The following ETAA1 variants were observed in gnomAD, a reference collection of about 807,000 sequenced individuals.
ETAA1 encodes ewing's tumor-associated antigen 1.
A neutral mutation model predicts 76.8 loss-of-function variants in ETAA1; 49 were observed. That is an observed-to-expected ratio of 0.64 (90% CI 0.51 to 0.81). ETAA1 has a LOEUF of 0.81. Among genes scored for constraint, ETAA1 ranks in the 30% least tolerant of loss-of-function variants. The pLI, the probability that ETAA1 is intolerant of heterozygous loss-of-function variation, is 0.00. For synonymous variants in ETAA1, 373 were observed against 372.2 expected (o/e 1.00, Z -0.03); for missense variants, 1,099 against 1,074.0 (o/e 1.02, Z -0.32).
Position 67,405,344 on chromosome 2 carries a change from G to T in ETAA1, c.2653+9G>T. The T allele has an allele frequency of 6.7e-7, 1 of 1,493,204 alleles. No homozygotes were observed. Among genetic ancestry groups the T allele is most frequent in the South Asian group, 1.5e-5 (1 of 68,092 alleles). The allele number at this position is 1,493,204 out of a possible 1,614,324, so 92.5% of individuals were successfully genotyped here. A position where few individuals can be genotyped will look rare whatever the true frequency, so the allele number is the denominator to read the frequency against. On this transcript the variant is annotated intron_variant, in intron 5 of 5. Coordinates refer to ENST00000272342, the MANE Select transcript of ETAA1 (RefSeq NM_019002.4). Reference sequence around the variant, plus strand: ...GAAACAATCTTCAAAAGGTATGTATGAAATATGAAATAGTTTTCTTTGAAA... The same window carrying T: ...GAAACAATCTTCAAAAGGTATGTATTAAATATGAAATAGTTTTCTTTGAAA...
In ETAA1 at chr2:67,408,626, T is replaced by C. The variant is rs1676282850; in HGVS notation, c.2654-1285T>C. Among the ~76,000 whole-genome samples, 3 of 152,132 alleles carry C rather than the reference T, an allele frequency of 2.0e-5. No homozygotes were observed. In the South Asian group the frequency reaches 6.2e-4, roughly 31 times the overall value. ...TACTTTACAATATTTTAAGACTTCA[T>C]TGTGTATTTTTATTATAGATTGAGT... On this transcript the variant is annotated intron_variant, in intron 5 of 5. Transcript: ENST00000272342.
At chr2:67,406,708 A>T (rs892778235) in intron 5 of ETAA1, among the ~76,000 whole-genome samples, 1 of 152,056 alleles carries the variant, frequency 6.6e-6, no homozygotes, top group Non-Finnish European at 1.5e-5. Context: ...ATAAAAAGAT[A>T]TGTGTGTGTG....
chr2:67,398,367 G>T (rs1572905615), intron 1 of ETAA1, among the ~76,000 whole-genome samples: 1 of 129,308 alleles, frequency 7.7e-6, no homozygotes, highest in East Asian at 2.4e-4. Context: ...AAAGAATCTC[G>T]CCCTGTCGCC....
intron 5 of ETAA1, among the ~76,000 whole-genome samples, chr2:67,406,275 G>C (rs1388364767): frequency 6.6e-6 from 1 of 151,978 alleles, no homozygotes; most frequent in Non-Finnish European, 1.5e-5. Flanking sequence ...CAGGAACTTA[G>C]ACCGTGCTCT....
chr2:67,403,862 A>C lies in ETAA1; in HGVS notation c.1180A>C (p.Met394Leu), dbSNP rs746152898. ...ENLLGSEPFA[M>L]QNIDMPELFP... ...CTTACTAGGTAGTGAACCTTTTGCT[A>C]TGCAAAATATCGACATGCCTGAACT... The change falls in exon 5 of 6, where the codon ATG becomes CTG. Residue 394 changes from methionine to leucine, a missense_variant. Met to Leu is a conservative substitution (Grantham distance 15). Around this residue, in one of 3 missense-constraint regions of ETAA1, gnomAD observed 761 missense variants for 731.9 expected, o/e 1.04. Transcript: ENST00000272342. The C allele has an allele frequency of 3.1e-6, 5 of 1,613,208 alleles. No homozygotes were observed. The highest frequency in any genetic ancestry group is 2.2e-5 in the East Asian group (1 of 44,860).
At chr2:67,402,261 T>C (rs916372427) in intron 3 of ETAA1, 2 of 151,930 alleles carry the variant, frequency 1.3e-5, no homozygotes, top group East Asian at 1.9e-4. Context: ...TTTCTCTATT[T>C]TTTTATTCTT....
intron 3 of ETAA1, 82 bp downstream of exon 3, chr2:67,399,708 G>A (rs919695824): frequency 2.2e-6 from 2 of 929,202 alleles, no homozygotes; most frequent in Non-Finnish European, 3.3e-6. Context: ...TAAATGAAAA[G>A]TATTGTCTAT....
intron 1 of ETAA1, among the ~76,000 whole-genome samples, chr2:67,398,502 A>AT (rs1234118261): frequency 1.3e-5 from 2 of 151,398 alleles, no homozygotes; most frequent in Non-Finnish European, 1.5e-5. Flanking sequence ...CGCCCGGCTA[A>AT]TTTTTTGTAT....
At position 67,404,377 on chromosome 2, in the gene ETAA1, A is replaced by C; in HGVS notation, c.1695A>C (p.Pro565=). 1 of 1,613,336 alleles carries C rather than the reference A, an allele frequency of 6.2e-7. No individual in the cohort carries two copies. Among genetic ancestry groups the C allele is most frequent in the Non-Finnish European group, 8.5e-7 (1 of 1,179,472 alleles). Residue 565 remains proline (P), a synonymous_variant, in exon 5 of 6, where the codon CCA becomes CCC. Coordinates refer to ENST00000272342, the MANE Select transcript of ETAA1 (RefSeq NM_019002.4). ...GCAGTAAAACCAGTGTTAGTAACCC[A>C]AATCAGACTAGTGCATCAAAAGTAG... ...NLGSKTSVSN[P]NQTSASKVGS... is the part of the protein sequence containing the mutation.
intron 4 of ETAA1, 73 bp from the exon 5 acceptor site, chr2:67,403,152 C>A: frequency 8.5e-7 from 1 of 1,179,828 alleles, no homozygotes; most frequent in Non-Finnish European, 1.2e-6. Context: ...GCTTTAACAT[C>A]AAAATATGTT....
At chr2:67,409,012 T>C (rs1163746314) in intron 5 of ETAA1, among the ~76,000 whole-genome samples, 1 of 152,060 alleles carries the variant, frequency 6.6e-6, no homozygotes, top group Non-Finnish European at 1.5e-5. Context: ...CAAAATCATC[T>C]GGGAAACTTA....
In ETAA1 at chr2:67,397,347, C is replaced by A; in HGVS notation, c.-102C>A. 7.9e-7 allele frequency: 1 copy of A among 1,263,294 alleles called. No homozygotes were observed. The highest frequency in any genetic ancestry group is 1.1e-6 in the Non-Finnish European group (1 of 887,422). The allele number at this position is 1,263,294 out of a possible 1,614,324, so 78.3% of individuals were successfully genotyped here. On this transcript the variant is annotated 5_prime_UTR_variant, in exon 1 of 6. Coordinates refer to ENST00000272342, the MANE Select transcript of ETAA1 (RefSeq NM_019002.4). ...GCGCGCGCCCCACCGACCAAAATGG[C>A]GGCTGCCGTTGGTGCGGGGTGCGGT...
At chr2:67,405,627 T>G (rs1289365598) in intron 5 of ETAA1, among the ~76,000 whole-genome samples, 1 of 152,088 alleles carries the variant, frequency 6.6e-6, no homozygotes, top group Non-Finnish European at 1.5e-5. Flanking sequence ...ACTTATTCTT[T>G]CTTGGAAAAT....
Position 67,403,670 on chromosome 2 carries a change from C to G in ETAA1, c.988C>G (p.Leu330Val). 2 of 1,613,338 alleles carry G rather than the reference C, an allele frequency of 1.2e-6. No homozygotes were observed. Among genetic ancestry groups the G allele is most frequent in the South Asian group, 1.1e-5 (1 of 91,062 alleles). The change falls in exon 5 of 6, where the codon CTG becomes GTG. Residue 330 changes from leucine (L) to valine (V), a missense_variant. By Grantham distance (32) the Leu-to-Val change is conservative (BLOSUM62 1). Coordinates refer to ENST00000272342, the MANE Select transcript of ETAA1 (RefSeq NM_019002.4). Reference protein sequence around the residue: ...KEEKIITNETLVIEKLSNKTP... With the variant: ...KEEKIITNETVVIEKLSNKTP... ...GGAGAAAATCATTACTAATGAAACTCTGGTCATTGAAAAACTGTCAAATAA... is the reference window on the plus strand; with the variant it reads ...GGAGAAAATCATTACTAATGAAACTGTGGTCATTGAAAAACTGTCAAATAA...
rs749680104 is a variant in ETAA1 at position 67,403,580 on chromosome 2, G to A, written c.898G>A (p.Glu300Lys). The change falls in exon 5 of 6, where the codon GAA (glutamate) becomes AAA (lysine). Residue 300 changes from glutamate (E) to lysine (K), a missense_variant. By Grantham distance (56) the Glu-to-Lys change is moderately conservative. Coordinates refer to ENST00000272342, the MANE Select transcript of ETAA1 (RefSeq NM_019002.4). The stretch of plus-strand genomic sequence containing the variant: ...GAAATGTAGCGGACAGTTAAGCCAA[G>A]AACTGCCAGAGGCTTTTTGGAGCAC... Reference protein sequence around the residue: ...TQKCSGQLSQELPEAFWSTSN... With the variant: ...TQKCSGQLSQKLPEAFWSTSN... The A allele has an allele frequency of 2.5e-6, 4 of 1,613,296 alleles. No homozygotes were observed. The highest frequency in any genetic ancestry group is 1.1e-5 in the South Asian group (1 of 91,042).
At chr2:67,399,688 G>A in intron 3 of ETAA1, 62 bp downstream of exon 3, 1 of 1,145,812 alleles carries the variant, frequency 8.7e-7, no homozygotes, top group Non-Finnish European at 1.3e-6. Flanking sequence ...CTAAGTTTTT[G>A]TAGTTTCTTT....
intron 3 of ETAA1, among the ~76,000 whole-genome samples, chr2:67,400,112 A>G (rs763443449): frequency 3.9e-5 from 6 of 152,214 alleles, no homozygotes; most frequent in Middle Eastern, 3.4e-3. Context: ...TCCTCATTCA[A>G]CCTCCTATGC....
At position 67,405,127 on chromosome 2, in the gene ETAA1, A is replaced by C. The variant is rs1676178404; in HGVS notation, c.2445A>C (p.Thr815=). Residue 815 remains threonine (T), a synonymous_variant, in exon 5 of 6, where the codon ACA becomes ACC. Transcript: ENST00000272342. ...TDEAQSNLNT[T]VGFSKFTFTR... Reference sequence around the variant, plus strand: ...AAGCTCAGAGCAACCTTAACACAACAGTTGGATTTTCAAAGTTTACATTTA... The same window carrying C: ...AAGCTCAGAGCAACCTTAACACAACCGTTGGATTTTCAAAGTTTACATTTA... 5.0e-6 allele frequency: 8 copies of C among 1,612,534 alleles called. No individual in the cohort carries two copies. The highest frequency in any genetic ancestry group is 6.8e-6 in the Non-Finnish European group (8 of 1,179,204).
At chr2:67,406,515 CCTAT>C (rs569001866) in intron 5 of ETAA1, among the ~76,000 whole-genome samples, 33 of 152,114 alleles carry the variant, frequency 2.2e-4, no homozygotes, top group South Asian at 1.2e-3. Context: ...TTCCAACTTT[CCTAT>C]CTAAGTGACT....
Sources: gnomAD v4.1 joint callset for allele counts (sites outside exome capture counted in the v4.1 genomes callset) on GRCh38, gnomAD v4.1.1 for gene constraint, gnomAD v4.1.1 regional missense constraint, MANE v1.5 for transcripts, NCBI Gene and HGNC (gene_info 2026-07-23, HGNC 2026-07-21) for gene names.